Variants in FREM2 observed in about 807,000 individuals in gnomAD.
The protein encoded by FREM2 is FRAS1-related extracellular matrix protein 2.
A neutral mutation model predicts 219.9 loss-of-function variants in FREM2; 119 were observed. The observed-to-expected ratio is 0.54, with a 90% confidence interval of 0.47 to 0.63. FREM2 has a LOEUF of 0.63. Among genes scored for constraint, FREM2 ranks in the 30% least tolerant of loss-of-function variants. The probability of loss-of-function intolerance (pLI) is 0.00; values close to 1 mark genes in which losing one functional copy is unlikely to be tolerated. For synonymous variants in FREM2, 1,562 were observed against 1,522.8 expected (o/e 1.03, Z -0.60); for missense variants, 4,030 against 3,993.6 (o/e 1.01, Z -0.25).
At chr13:38,864,743 A>G (rs536081322) in intron 16 of FREM2, 137 bp downstream of exon 16, 145 of 761,276 alleles carry the variant, frequency 1.9e-4, no homozygotes, top group Admixed American at 8.4e-4. Context: ...GGGACCAGAC[A>G]ACTGGCATGG....
chr13:38,743,852 T>C (rs1872352787), intron 2 of FREM2, among the ~76,000 whole-genome samples: 1 of 152,218 alleles, frequency 6.6e-6, no homozygotes, highest in Non-Finnish European at 1.5e-5. Flanking sequence ...GCCAAGCCTA[T>C]AATATCTACT....
Position 38,851,861 on chromosome 13 carries a change from G to T in FREM2, c.6918G>T (p.Val2306=). Residue 2306 remains valine (V), a synonymous_variant, in exon 11 of 24, where the codon GTG becomes GTT. Transcript: ENST00000280481. The part of the protein sequence containing the change: ...SATSGEDYHP[V]SEEIEFKEGE... ...CCTCTGGAGAAGACTACCACCCTGT[G>T]TCAGAAGGTATGGGGCTCCCAGGGC... is the stretch of plus-strand genomic sequence containing the variant. 1 of 1,613,718 alleles carries T rather than the reference G, an allele frequency of 6.2e-7. No homozygotes were observed. The highest frequency in any genetic ancestry group is 8.5e-7 in the Non-Finnish European group (1 of 1,179,840).
At chr13:38,761,064 T>C (rs1873207480) in intron 2 of FREM2, among the ~76,000 whole-genome samples, 1 of 152,150 alleles carries the variant, frequency 6.6e-6, no homozygotes, top group Non-Finnish European at 1.5e-5. Flanking sequence ...ATCTTAAAAT[T>C]AGCTAAGAAT....
intron 8 of FREM2, 134 bp from the exon 9 acceptor site, chr13:38,849,904 G>T (rs1204252284): frequency 1.3e-6 from 1 of 751,990 alleles, no homozygotes; most frequent in Non-Finnish European, 2.3e-6. Context: ...TCAAAATATT[G>T]GCAAGTGACT....
rs1593393813 is a variant in FREM2, at chr13:38,765,858, A to T, written c.5410+1408A>T. Among the ~76,000 whole-genome samples, 3 of 151,968 alleles carry T rather than the reference A, an allele frequency of 2.0e-5. No homozygotes were observed. The South Asian group carries it at 6.2e-4, about 32-fold the overall frequency. On this transcript the variant is annotated intron_variant, in intron 3 of 23. Transcript: ENST00000280481. The stretch of plus-strand genomic sequence containing the variant: ...CCATCTTCATTTTGCATGAGCCTCC[A>T]CCTGGCTGTGCTTCTCATGCTTTGT...
At chr13:38,824,562 C>G (rs1876197637) in intron 6 of FREM2, among the ~76,000 whole-genome samples, 1 of 151,950 alleles carries the variant, frequency 6.6e-6, no homozygotes, top group Non-Finnish European at 1.5e-5. Context: ...TTGAGGGAAA[C>G]AGTGGGAGTG....
intron 7 of FREM2, 21 bp from the exon 8 acceptor site, chr13:38,848,440 A>AT (rs766624417): frequency 3.2e-6 from 5 of 1,569,684 alleles, no homozygotes; most frequent in South Asian, 1.1e-5. Flanking sequence ...CCAACTGAAT[A>AT]TTTTTTTGTT....
At chr13:38,857,183 C>G (rs1207803801) in intron 12 of FREM2, among the ~76,000 whole-genome samples, 2 of 152,102 alleles carry the variant, frequency 1.3e-5, no homozygotes, top group Non-Finnish European at 2.9e-5. Flanking sequence ...CAAATTACTT[C>G]CAGCGATGAA....
At chr13:38,733,037 T>G (rs973869779) in intron 2 of FREM2, among the ~76,000 whole-genome samples, 1 of 152,102 alleles carries the variant, frequency 6.6e-6, no homozygotes, top group Admixed American at 6.6e-5. Context: ...GGTTTGTTGT[T>G]TTTTAGTTAC....
intron 2 of FREM2, among the ~76,000 whole-genome samples, chr13:38,702,481 A>G (rs1870380936): frequency 1.3e-5 from 2 of 152,190 alleles, no homozygotes; most frequent in South Asian, 4.1e-4. Context: ...GAAGTAGAAG[A>G]CAATACCAGC....
rs1275204129 is a variant in FREM2 at position 38,885,783 on chromosome 13, A to G, written c.*4996A>G. ...AATATGTGCCTTGATTTTTCTCTCA[A>G]TGGAGGTTCAACATTGACATTTAAG... On this transcript the variant is annotated 3_prime_UTR_variant, in exon 24 of 24. Transcript: ENST00000280481. 6.6e-6 allele frequency: 1 copy of G among 152,154 alleles called. No individual in the cohort carries two copies. The highest frequency in any genetic ancestry group is 1.5e-5 in the Non-Finnish European group (1 of 67,996). The allele number at this position is 152,154 out of a possible 1,614,324, so 9.4% of individuals were successfully genotyped here.
intron 2 of FREM2, among the ~76,000 whole-genome samples, chr13:38,718,486 T>C (rs986210919): frequency 3.3e-5 from 5 of 152,156 alleles, no homozygotes; most frequent in African/African-American, 7.2e-5. Flanking sequence ...AAATAAAGCA[T>C]GGTTTGGGCT....
rs141900626 is a variant in FREM2 at position 38,688,713 on chromosome 13, C to T, written c.1369C>T (p.Leu457Phe). ...LILYEGQSRPLTGPAGSGPQN... is the reference protein window; with the variant it reads ...LILYEGQSRPFTGPAGSGPQN... ...TCTCTATGAGGGTCAGTCTCGGCCC[C>T]TCACAGGCCCTGCAGGCAGTGGTCC... Residue 457 changes from leucine (L) to phenylalanine (F), a missense_variant, in exon 1 of 24, where the codon CTC becomes TTC. Leu to Phe is a conservative substitution (Grantham distance 22). Coordinates refer to ENST00000280481, the MANE Select transcript of FREM2 (RefSeq NM_207361.6). 2.5e-6 allele frequency: 4 copies of T among 1,614,046 alleles called. No homozygotes were observed. In the South Asian group the frequency reaches 4.4e-5, roughly 18 times the overall value.
intron 21 of FREM2, among the ~76,000 whole-genome samples, chr13:38,877,656 G>A (rs142281893): frequency 2.6e-4 from 40 of 152,168 alleles, no homozygotes; most frequent in African/African-American, 9.2e-4. Flanking sequence ...CTCATGGTAG[G>A]GGTTCAATAA....
At chr13:38,719,942 G>A (rs138552590) in intron 2 of FREM2, among the ~76,000 whole-genome samples, 57 of 152,196 alleles carry the variant, frequency 3.7e-4, no homozygotes, top group African/African-American at 1.3e-3. Context: ...ATTTCTTTGA[G>A]GTTCAGATGC....
chr13:38,772,120 C>T (rs1873689125), intron 4 of FREM2, among the ~76,000 whole-genome samples: 2 of 152,112 alleles, frequency 1.3e-5, no homozygotes, highest in African/African-American at 4.8e-5. Flanking sequence ...CAAGCTCTCC[C>T]TCTGCATATT....
chr13:38,736,116 G>A (rs1354260615), intron 2 of FREM2, among the ~76,000 whole-genome samples: 2 of 152,164 alleles, frequency 1.3e-5, no homozygotes, highest in Non-Finnish European at 2.9e-5. Context: ...AGATTGCGCT[G>A]TTTATTCAGC....
At chr13:38,703,542 G>C (rs1870422343) in intron 2 of FREM2, among the ~76,000 whole-genome samples, 1 of 152,128 alleles carries the variant, frequency 6.6e-6, no homozygotes, top group South Asian at 2.1e-4. Context: ...GTTCACAATA[G>C]ATCAAGTCAT....
At chr13:38,878,707 A>G (rs1240625294) in intron 22 of FREM2, 124 bp from the exon 23 acceptor site, 1 of 1,019,622 alleles carries the variant, frequency 9.8e-7, no homozygotes, top group East Asian at 2.4e-5. Flanking sequence ...GATCATTTTT[A>G]GTAAACCAAA....
Sources: gnomAD v4.1 joint callset for allele counts (sites outside exome capture counted in the v4.1 genomes callset) on GRCh38, gnomAD v4.1.1 for gene constraint, MANE v1.5 for transcripts, NCBI Gene and HGNC (gene_info 2026-07-23, HGNC 2026-07-21) for gene names.